The following FAAH2 variants were observed in gnomAD, a reference collection of about 807,000 sequenced individuals.
The protein encoded by FAAH2 is fatty-acid amide hydrolase 2.
FAAH2 carries 60 observed loss-of-function variants against 36.9 expected under a neutral mutation model. The ratio of observed to expected loss-of-function variants is 1.63; its 90% confidence interval spans 1.32 to 2.02. The LOEUF (loss-of-function observed/expected upper bound fraction) is 2.02, where lower values mean the gene tolerates loss of function less well. Among genes scored for constraint, FAAH2 ranks in the 30% most tolerant of loss-of-function variants. FAAH2 has a pLI of 0.00. For missense variants in FAAH2, 689 were observed against 397.5 expected, an observed-to-expected ratio of 1.73 and a Z score of -6.23; for synonymous variants, 214 against 143.8, an observed-to-expected ratio of 1.49 and a Z score of -3.49.
chrX:57,477,760 A>T (rs747651542), intron 10 of FAAH2, among the ~76,000 whole-genome samples: 5 of 109,447 alleles, frequency 4.6e-5, no homozygotes, highest in African/African-American at 1.3e-4. Flanking sequence ...TGTCCTTCCA[A>T]TAGTTTGTTG....
At chrX:57,234,990 A>G in the FAAH2 span, among the ~76,000 whole-genome samples, 1 of 111,370 alleles carries the variant, frequency 9.0e-6, no homozygotes, top group African/African-American at 3.3e-5. Context: ...GTGAGCCCAG[A>G]TCGTGACACT....
chrX:57,219,880 T>G, the FAAH2 span, among the ~76,000 whole-genome samples: 7 of 102,024 alleles, frequency 6.9e-5, no homozygotes, highest in Admixed American at 5.2e-4. Flanking sequence ...TTTTTTTTTT[T>G]TTTTTTTTGC....
the FAAH2 span, among the ~76,000 whole-genome samples, chrX:57,241,203 A>G: frequency 1.1e-3 from 123 of 112,420 alleles, no homozygotes; most frequent in Non-Finnish European, 1.9e-3. Flanking sequence ...AATTAAATCA[A>G]GATGGATTAA....
chrX:57,371,983 T>C (rs1481501866), intron 5 of FAAH2, among the ~76,000 whole-genome samples: 6 of 112,111 alleles, frequency 5.4e-5, no homozygotes, highest in Non-Finnish European at 7.5e-5. Context: ...CATGATTTTC[T>C]TCTTTTTTTG....
intron 7 of FAAH2, among the ~76,000 whole-genome samples, chrX:57,430,703 G>A (rs2056274756): frequency 8.9e-6 from 1 of 111,926 alleles, no homozygotes; most frequent in South Asian, 3.7e-4. Context: ...GTTTTTGTCA[G>A]TTAAGTGCTG....
chrX:57,322,843 T>C (rs747006611), intron 3 of FAAH2, among the ~76,000 whole-genome samples: 1 of 110,974 alleles, frequency 9.0e-6, no homozygotes, highest in South Asian at 3.8e-4. Context: ...TTCCTTTTTT[T>C]TAATTATACT....
chrX:57,370,959 TA>T (rs1181106138), intron 5 of FAAH2, among the ~76,000 whole-genome samples: 4 of 111,642 alleles, frequency 3.6e-5, no homozygotes, highest in Non-Finnish European at 7.5e-5. Context: ...GACCAAATGG[TA>T]CTAATAGACA....
chrX:57,362,046 T>A (rs946933300), intron 5 of FAAH2, among the ~76,000 whole-genome samples: 1 of 111,707 alleles, frequency 9.0e-6, no homozygotes, highest in Non-Finnish European at 1.9e-5. Flanking sequence ...ATTTGCTCCA[T>A]CTTACCGATT....
intron 2 of FAAH2, among the ~76,000 whole-genome samples, chrX:57,300,095 G>C (rs1048159204): frequency 3.6e-5 from 4 of 111,265 alleles, no homozygotes; most frequent in Non-Finnish European, 5.7e-5. Flanking sequence ...TCACAGAATT[G>C]GAAAAAACTA....
the FAAH2 span, among the ~76,000 whole-genome samples, chrX:57,280,735 T>C: frequency 8.9e-6 from 1 of 111,786 alleles, no homozygotes; most frequent in Admixed American, 9.5e-5. Flanking sequence ...AATTAATACC[T>C]TTGTTCACAC....
the FAAH2 span, among the ~76,000 whole-genome samples, chrX:57,179,253 G>T: frequency 2.7e-5 from 3 of 111,646 alleles, no homozygotes; most frequent in Non-Finnish European, 5.6e-5. Flanking sequence ...TGATGACAGT[G>T]TCAAAGCCAC....
chrX:57,282,763 G>T (rs184274026), upstream of FAAH2, among the ~76,000 whole-genome samples: 23 of 111,894 alleles, frequency 2.1e-4, no homozygotes, highest in East Asian at 4.5e-3. Flanking sequence ...GTACGCTCTT[G>T]CTTAGCCATG....
chrX:57,165,612 G>A, the FAAH2 span, among the ~76,000 whole-genome samples: 3 of 110,948 alleles, frequency 2.7e-5, no homozygotes, highest in Admixed American at 1.9e-4. Flanking sequence ...AGTGGGTGCA[G>A]CGCACCAGCA....
At chrX:57,193,964 A>G in the FAAH2 span, among the ~76,000 whole-genome samples, 1 of 111,396 alleles carries the variant, frequency 9.0e-6, no homozygotes, top group South Asian at 3.8e-4. Context: ...AATCAGAAAT[A>G]TTGACCTATA....
the FAAH2 span, among the ~76,000 whole-genome samples, chrX:57,280,720 A>G: frequency 9.0e-6 from 1 of 111,481 alleles, no homozygotes; most frequent in East Asian, 2.8e-4. Context: ...TATTTATCTT[A>G]GAGAAATTAA....
At chrX:57,443,006 T>C in intron 8 of FAAH2, among the ~76,000 whole-genome samples, 1 of 112,032 alleles carries the variant, frequency 8.9e-6, no homozygotes, top group East Asian at 2.8e-4. Flanking sequence ...CTTCCCTTTG[T>C]GGGTAACCCG....
chrX:57,320,994 G>A (rs747862468), intron 3 of FAAH2, among the ~76,000 whole-genome samples: 17 of 110,336 alleles, frequency 1.5e-4, no homozygotes, highest in Admixed American at 5.8e-4. Context: ...CAAAAAATTA[G>A]CTGGGTGTGG....
At chrX:57,247,996 C>A in the FAAH2 span, among the ~76,000 whole-genome samples, 2 of 112,065 alleles carry the variant, frequency 1.8e-5, no homozygotes, top group African/African-American at 6.5e-5. Context: ...ATTTTCAGAT[C>A]ATTTATTTAT....
chrX:57,185,807 C>G, the FAAH2 span, among the ~76,000 whole-genome samples: 1 of 109,990 alleles, frequency 9.1e-6, no homozygotes, highest in Admixed American at 9.8e-5. Flanking sequence ...GAACATGCAG[C>G]ATTTGGTGTC....
Sources: gnomAD v4.1 joint callset for allele counts (sites outside exome capture counted in the v4.1 genomes callset) on GRCh38, gnomAD v4.1.1 for gene constraint, MANE v1.5 for transcripts, NCBI Gene and HGNC (gene_info 2026-07-23, HGNC 2026-07-21) for gene names.